Variants in EDEM3 observed in about 807,000 individuals in gnomAD.
The protein encoded by EDEM3 is ER degradation enhancing alpha-mannosidase like protein 3.
Under a neutral mutation model 110.2 loss-of-function variants are expected in EDEM3, and 60 were observed. The observed-to-expected ratio is 0.54, with a 90% CI of 0.44 to 0.67. EDEM3 has a LOEUF of 0.67. EDEM3 is among the 30% of genes least tolerant of loss of function. The probability of loss-of-function intolerance (pLI) is 0.00; values close to 1 mark genes in which losing one functional copy is unlikely to be tolerated. For synonymous variants in EDEM3, 352 were observed against 382.9 expected (o/e 0.92, Z 0.94); for missense variants, 996 against 1,121.0 (o/e 0.89, Z 1.59).
At chr1:184,735,032 A>C (rs1045193813) in intron 4 of EDEM3, among the ~76,000 whole-genome samples, 5 of 152,182 alleles carry the variant, frequency 3.3e-5, no homozygotes, top group African/African-American at 1.2e-4. Context: ...TTCTCAGAAG[A>C]AAGCACTTTC....
At chr1:184,745,733 TG>T (rs1652395588) in intron 2 of EDEM3, among the ~76,000 whole-genome samples, 2 of 152,146 alleles carry the variant, frequency 1.3e-5, no homozygotes, top group South Asian at 4.1e-4. Flanking sequence ...AGCTTAATAG[TG>T]GTTATTAGGT....
At position 184,719,535 on chromosome 1, in the gene EDEM3, G is replaced by T. The variant is rs1248466647; in HGVS notation, c.985C>A (p.Pro329Thr). 3.1e-6 allele frequency: 5 copies of T among 1,613,954 alleles called. No homozygotes were observed. The highest frequency in any genetic ancestry group is 4.2e-6 in the Non-Finnish European group (5 of 1,179,972). The change falls in exon 10 of 20, where the codon CCA becomes ACA. Residue 329 changes from proline (P) to threonine (T), a missense_variant. Transcript: ENST00000318130. ...YDAIMRYISQ[P>T]PLLLDVHIHK... ...ATATGCACATCAAGTAGAAGAGGTG[G>T]CTGGCTAATATACCTCATTATGGCA...
At chr1:184,725,424 T>C (rs1463970010) in intron 7 of EDEM3, among the ~76,000 whole-genome samples, 2 of 152,116 alleles carry the variant, frequency 1.3e-5, no homozygotes, top group African/African-American at 4.8e-5. Flanking sequence ...AGGGAAAATA[T>C]TAGTGAACAA....
chr1:184,746,375 A>G (rs1179330709), intron 2 of EDEM3, among the ~76,000 whole-genome samples: 1 of 152,258 alleles, frequency 6.6e-6, no homozygotes, highest in Non-Finnish European at 1.5e-5. Context: ...CTGGAGAACA[A>G]GTTCTGAGTT....
chr1:184,735,042 C>A (rs1056126326), intron 4 of EDEM3, among the ~76,000 whole-genome samples: 1 of 152,172 alleles, frequency 6.6e-6, no homozygotes, highest in African/African-American at 2.4e-5. Flanking sequence ...AAAGCACTTT[C>A]TTCAAGGCAT....
At position 184,754,723 on chromosome 1, in the gene EDEM3, G is replaced by T. The variant is rs1008550805; in HGVS notation, c.-77C>A. 70 of 1,432,256 alleles carry T rather than the reference G, an allele frequency of 4.9e-5. No individual in the cohort carries two copies. The highest frequency in any genetic ancestry group is 2.4e-4 in the Middle Eastern group (1 of 4,200). The allele number at this position is 1,432,256 out of a possible 1,614,324, so 88.7% of individuals were successfully genotyped here. On this transcript the variant is annotated 5_prime_UTR_variant, in exon 1 of 20. Coordinates refer to ENST00000318130, the MANE Select transcript of EDEM3 (RefSeq NM_025191.4). The stretch of plus-strand genomic sequence containing the variant: ...ATTGCTGGACGCTGGTGGCCAGGGG[G>T]CTGCTAGCCGTGCCGAGACGGGGCG...
intron 11 of EDEM3, 113 bp downstream of exon 11, chr1:184,719,049 C>A: frequency 3.7e-6 from 2 of 538,500 alleles, no homozygotes; most frequent in Non-Finnish European, 6.3e-6. Flanking sequence ...ACCAACAAGC[C>A]TTGAAGATGA....
intron 13 of EDEM3, among the ~76,000 whole-genome samples, chr1:184,715,657 A>G (rs1276829120): frequency 1.3e-5 from 2 of 152,092 alleles, no homozygotes; most frequent in Admixed American, 6.6e-5. Flanking sequence ...TGGTTTCTTC[A>G]CCTTTAAAAT....
At chr1:184,747,264 C>A (rs1278103269) in intron 2 of EDEM3, among the ~76,000 whole-genome samples, 1 of 152,188 alleles carries the variant, frequency 6.6e-6, no homozygotes, top group Non-Finnish European at 1.5e-5. Flanking sequence ...TGTTTAGGGT[C>A]CAACCTGTAA....
intron 13 of EDEM3, 67 bp from the exon 14 acceptor site, chr1:184,712,665 C>T (rs972374558): frequency 8.9e-7 from 1 of 1,125,686 alleles, no homozygotes. Context: ...TATATGAAAG[C>T]CATAGAGTCA....
intron 2 of EDEM3, among the ~76,000 whole-genome samples, chr1:184,747,681 TA>T (rs777835079): frequency 2.4e-4 from 36 of 152,232 alleles, no homozygotes; most frequent in Admixed American, 1.3e-4. Flanking sequence ...CCTTCTCTCT[TA>T]AATCTTATTA....
chr1:184,730,730 T>C (rs1326060103), intron 6 of EDEM3, among the ~76,000 whole-genome samples: 1 of 152,224 alleles, frequency 6.6e-6, no homozygotes, highest in Non-Finnish European at 1.5e-5. Flanking sequence ...AGGTAAAGCA[T>C]TGCCCTATAT....
Position 184,716,901 on chromosome 1 carries a change from T to C in EDEM3, c.1357A>G (p.Ser453Gly). 1 of 1,613,340 alleles carries C rather than the reference T, an allele frequency of 6.2e-7. No individual in the cohort carries two copies. ...FAAMKDVRTGSHEDRMDSFFL... is the reference protein window; with the variant it reads ...FAAMKDVRTGGHEDRMDSFFL... ...CAATTGTTTTACCTGTCCTCATGAC[T>C]TCCAGTACGAACATCCTTCATGGCA... Residue 453 changes from serine (S) to glycine (G), a missense_variant, in exon 13 of 20, where the codon AGT becomes GGT. Around this residue, in one of 5 missense-constraint regions of EDEM3, gnomAD observed 310 missense variants for 394.6 expected, o/e 0.79. Transcript: ENST00000318130.
intron 19 of EDEM3, among the ~76,000 whole-genome samples, chr1:184,697,829 C>T (rs1459668758): frequency 1.3e-5 from 2 of 151,582 alleles, no homozygotes; most frequent in African/African-American, 4.8e-5. Flanking sequence ...TTTCTGATTA[C>T]CTAAAAATGT....
chr1:184,742,547 T>C (rs886577529), intron 2 of EDEM3, among the ~76,000 whole-genome samples: 2 of 152,158 alleles, frequency 1.3e-5, no homozygotes, highest in African/African-American at 2.4e-5. Flanking sequence ...TGCGCCACCA[T>C]ACTTGGCTAA....
chr1:184,732,802 G>A, intron 6 of EDEM3, 35 bp downstream of exon 6: 2 of 1,588,622 alleles, frequency 1.3e-6, no homozygotes, highest in East Asian at 4.5e-5. Context: ...AGCAAAGAAA[G>A]TATATAAAGA....
chr1:184,723,703 C>T lies in EDEM3; in HGVS notation c.853+48G>A, dbSNP rs189748680. ...CAAATGAAAATTCTTTATTTCCCAA[C>T]CATTTTGAGGATGCAAAGGCTTGAT... On this transcript the variant is annotated intron_variant, in intron 8 of 19. Coordinates refer to ENST00000318130, the MANE Select transcript of EDEM3 (RefSeq NM_025191.4). The T allele has an allele frequency of 3.7e-6, 5 of 1,342,450 alleles. No homozygotes were observed. In the South Asian group the frequency reaches 6.4e-5, roughly 17 times the overall value. 83.2% of individuals were successfully genotyped at this position (1,342,450 alleles called of 1,614,324 possible). A position where few individuals can be genotyped will look rare whatever the true frequency, so the allele number is the denominator to read the frequency against.
chr1:184,728,211 A>G (rs1412669529), intron 6 of EDEM3, among the ~76,000 whole-genome samples: 1 of 152,224 alleles, frequency 6.6e-6, no homozygotes, highest in African/African-American at 2.4e-5. Flanking sequence ...AAATAGAGAA[A>G]ATAACTGACA....
chr1:184,696,830 G>A, intron 19 of EDEM3, among the ~76,000 whole-genome samples: 1 of 151,958 alleles, frequency 6.6e-6, no homozygotes, highest in East Asian at 1.9e-4. Context: ...AGGAAAAGGT[G>A]TAGGGTTGTT....
Sources: gnomAD v4.1 joint callset for allele counts (sites outside exome capture counted in the v4.1 genomes callset) on GRCh38, gnomAD v4.1.1 for gene constraint, gnomAD v4.1.1 regional missense constraint, MANE v1.5 for transcripts, NCBI Gene and HGNC (gene_info 2026-07-23, HGNC 2026-07-21) for gene names.